FREM1: variants seen among roughly 807,000 people sequenced by gnomAD.
The protein encoded by FREM1 is FRAS1 related extracellular matrix 1, also known as FRAS1-related extracellular matrix protein 1.
In FREM1, 220 loss-of-function variants were observed where a neutral mutation model predicts 210.1. The observed-to-expected ratio is 1.05, with a 90% CI of 0.94 to 1.17. FREM1 has a LOEUF of 1.17. Among genes scored for constraint, FREM1 ranks in the 50% most tolerant of loss-of-function variants. FREM1 has a pLI of 0.00. For synonymous variants in FREM1, 1,189 were observed against 980.2 expected (o/e 1.21, Z -3.98); for missense variants, 3,454 against 2,675.5 (o/e 1.29, Z -6.42).
intron 1 of FREM1, among the ~76,000 whole-genome samples, chr9:14,871,431 T>C (rs1487545891): frequency 2.6e-5 from 4 of 152,216 alleles, no homozygotes; most frequent in Admixed American, 1.3e-4. Flanking sequence ...TTTCATGTGT[T>C]ATTTGGCTGC....
intron 30 of FREM1, among the ~76,000 whole-genome samples, chr9:14,749,792 G>T (rs1384343606): frequency 6.6e-6 from 1 of 152,140 alleles, no homozygotes; most frequent in Non-Finnish European, 1.5e-5. Flanking sequence ...CTCTTTAACA[G>T]AGAAAGATAA....
chr9:14,742,695 G>A (rs1211388626), intron 35 of FREM1, among the ~76,000 whole-genome samples: 1 of 152,026 alleles, frequency 6.6e-6, no homozygotes, highest in African/African-American at 2.4e-5. Flanking sequence ...CGCCTTGAAA[G>A]GTTAGTTTGA....
chr9:14,902,012 GTT>G (rs1229303779), intron 1 of FREM1, among the ~76,000 whole-genome samples: 3 of 141,202 alleles, frequency 2.1e-5, no homozygotes, highest in Admixed American at 7.1e-5. Flanking sequence ...GCCATGCCTG[GTT>G]TTTTTTTTTT....
At chr9:14,829,458 C>T (rs564206899) in intron 10 of FREM1, among the ~76,000 whole-genome samples, 3 of 152,204 alleles carry the variant, frequency 2.0e-5, no homozygotes, top group East Asian at 3.9e-4. Context: ...ATGTTGGAAA[C>T]TTCATCACCA....
intron 27 of FREM1, among the ~76,000 whole-genome samples, chr9:14,768,634 C>T (rs1846917064): frequency 6.6e-6 from 1 of 152,020 alleles, no homozygotes. Flanking sequence ...ATCGAGGCAA[C>T]GGAGTGGGAC....
At chr9:14,861,066 TATAC>T (rs1431781635) in intron 3 of FREM1, among the ~76,000 whole-genome samples, 63 of 63,770 alleles carry the variant, frequency 9.9e-4, no homozygotes, top group South Asian at 3.0e-3. Flanking sequence ...TATATACACA[TATAC>T]ATATATACAT....
At chr9:14,742,545 G>T (rs1347717691) in intron 35 of FREM1, among the ~76,000 whole-genome samples, 1 of 152,136 alleles carries the variant, frequency 6.6e-6, no homozygotes, top group Non-Finnish European at 1.5e-5. Flanking sequence ...TTAGCAATCT[G>T]GTTAGGGACA....
In FREM1 at chr9:14,785,931, C is replaced by T. The variant is rs561527524; in HGVS notation, c.4178-1297G>A. On this transcript the variant is annotated intron_variant, in intron 23 of 36. Coordinates refer to ENST00000380880, the MANE Select transcript of FREM1 (RefSeq NM_001379081.2). ...ATTTTGTGTTATGCATAATTCACCA[C>T]TATTTTTTTTAAATGTATGACTGAG... Among the ~76,000 whole-genome samples, 32 of 152,130 alleles carry T rather than the reference C, an allele frequency of 2.1e-4. 1 individual carries two copies. In the South Asian group the frequency reaches 6.6e-3, roughly 32 times the overall value.
intron 2 of FREM1, 50 bp from the exon 3 acceptor site, chr9:14,863,953 G>C: frequency 1.7e-6 from 2 of 1,201,306 alleles, no homozygotes; most frequent in Non-Finnish European, 2.5e-6. Flanking sequence ...ATTGGTACAA[G>C]ATTTAACATT....
intron 32 of FREM1, 113 bp downstream of exon 32, chr9:14,747,568 C>A: frequency 9.4e-7 from 1 of 1,059,194 alleles, no homozygotes; most frequent in Non-Finnish European, 1.3e-6. Flanking sequence ...CCTCTAATTT[C>A]AAAACAATTT....
At chr9:14,905,391 C>T (rs1017246632) in intron 1 of FREM1, among the ~76,000 whole-genome samples, 4 of 152,312 alleles carry the variant, frequency 2.6e-5, no homozygotes, top group Middle Eastern at 3.4e-3. Flanking sequence ...AACATTACCC[C>T]TGAGGGGCCC....
chr9:14,822,596 A>G (rs916986463), intron 13 of FREM1, among the ~76,000 whole-genome samples: 5 of 152,228 alleles, frequency 3.3e-5, no homozygotes, highest in African/African-American at 9.6e-5. Context: ...GGTATGGGAC[A>G]TACTCTCAAT....
chr9:14,743,727 T>C (rs1446942425), intron 35 of FREM1, among the ~76,000 whole-genome samples: 1 of 152,108 alleles, frequency 6.6e-6, no homozygotes, highest in Non-Finnish European at 1.5e-5. Context: ...AGCAATCACC[T>C]AACCTTGATA....
At position 14,792,664 on chromosome 9, in the gene FREM1, C is replaced by T. The variant is rs899504306; in HGVS notation, c.3981+79G>A. 1.8e-5 allele frequency: 19 copies of T among 1,075,336 alleles called. No homozygotes were observed. In the East Asian group the frequency reaches 4.4e-4, roughly 25 times the overall value. The allele number at this position is 1,075,336 out of a possible 1,614,324, so 66.6% of individuals were successfully genotyped here. A position where few individuals can be genotyped will look rare whatever the true frequency, so the allele number is the denominator to read the frequency against. On this transcript the variant is annotated intron_variant, in intron 22 of 36. Transcript: ENST00000380880. Reference sequence around the variant, plus strand: ...ATATATGTCTATCAGAGAATAAATCCCATCATAGAAATGTGTATATTGAGA... The same window carrying T: ...ATATATGTCTATCAGAGAATAAATCTCATCATAGAAATGTGTATATTGAGA...
chr9:14,824,663 A>G, intron 11 of FREM1, 133 bp downstream of exon 11: 1 of 630,494 alleles, frequency 1.6e-6, no homozygotes. Flanking sequence ...TAAACGCTTA[A>G]TTGAGTATAA....
intron 1 of FREM1, among the ~76,000 whole-genome samples, chr9:14,904,128 A>C (rs1349361951): frequency 6.6e-6 from 1 of 151,692 alleles, no homozygotes; most frequent in Non-Finnish European, 1.5e-5. Context: ...AAAAAAAAAA[A>C]AAAAAAAAAC....
intron 28 of FREM1, among the ~76,000 whole-genome samples, chr9:14,757,762 T>A (rs541224529): frequency 6.6e-6 from 1 of 152,216 alleles, no homozygotes; most frequent in South Asian, 2.1e-4. Context: ...CCTCAGACAA[T>A]ATGTCCATTT....
intron 5 of FREM1, among the ~76,000 whole-genome samples, chr9:14,852,956 C>A (rs955538103): frequency 3.3e-5 from 5 of 152,052 alleles, no homozygotes; most frequent in African/African-American, 9.7e-5. Context: ...ATTCCAGACT[C>A]CAGAACTTTC....
intron 5 of FREM1, among the ~76,000 whole-genome samples, chr9:14,854,546 A>G (rs1828367971): frequency 6.6e-6 from 1 of 152,114 alleles, no homozygotes; most frequent in Non-Finnish European, 1.5e-5. Flanking sequence ...TCTTACAAAT[A>G]ACATTATATT....
Sources: gnomAD v4.1 joint callset for allele counts (sites outside exome capture counted in the v4.1 genomes callset) on GRCh38, gnomAD v4.1.1 for gene constraint, MANE v1.5 for transcripts, NCBI Gene and HGNC (gene_info 2026-07-23, HGNC 2026-07-21) for gene names.